The following SNHG17 variants were observed in gnomAD, a reference collection of about 807,000 sequenced individuals.
SNHG17 encodes the protein small nucleolar RNA host gene 17 (non-protein coding).
intron 3 of SNHG17, among the ~76,000 whole-genome samples, chr20:38,426,995 TACAC>T (rs765781057): frequency 0.056 from 7,091 of 125,542 alleles, 346 homozygotes; most frequent in Middle Eastern, 0.15. Flanking sequence ...AAGTTACACA[TACAC>T]ACACACACAC....
intron 5 of SNHG17, chr20:38,424,997 G>A (rs1242782301): frequency 3.2e-6 from 1 of 312,330 alleles, no homozygotes; most frequent in Non-Finnish European, 6.5e-6. Flanking sequence ...CATTTTACAA[G>A]TGGATGAGGT....
intron 1 of SNHG17, chr20:38,434,976 A>C: frequency 8.1e-7 from 1 of 1,229,356 alleles, no homozygotes; most frequent in Middle Eastern, 3.1e-4. Flanking sequence ...AGGGGGTCTG[A>C]CGACCGCACG....
intron 2 of SNHG17, among the ~76,000 whole-genome samples, chr20:38,433,189 T>C (rs1426611005): frequency 6.6e-6 from 1 of 152,134 alleles, no homozygotes. Flanking sequence ...TTGGCCAGGA[T>C]GGTCTTGAAC....
chr20:38,432,350 C>T (rs1353049392), intron 2 of SNHG17, among the ~76,000 whole-genome samples: 1 of 152,148 alleles, frequency 6.6e-6, no homozygotes, highest in Admixed American at 6.5e-5. Context: ...GAACCTAGGA[C>T]AGGTTCTGGT....
chr20:38,433,542 C>T (rs954649763), intron 2 of SNHG17, among the ~76,000 whole-genome samples: 3 of 152,066 alleles, frequency 2.0e-5, no homozygotes, highest in Non-Finnish European at 2.9e-5. Context: ...GCTATGATCA[C>T]GCCACTGCAC....
intron 5 of SNHG17, among the ~76,000 whole-genome samples, chr20:38,424,028 T>C (rs1156812468): frequency 6.6e-6 from 1 of 151,924 alleles, no homozygotes; most frequent in Non-Finnish European, 1.5e-5. Flanking sequence ...AAAAATTAGC[T>C]GGGCGTGGTG....
rs1445189967 is a variant in SNHG17, at chr20:38,433,718, G to A, written n.308+786C>T. 8.9e-6 allele frequency: 4 copies of A among 450,000 alleles called. 1 individual carries two copies. In the East Asian group the frequency reaches 1.8e-4, roughly 20 times the overall value. The allele number at this position is 450,000 out of a possible 1,614,324, so 27.9% of individuals were successfully genotyped here. On this transcript the variant is annotated intron_variant and non_coding_transcript_variant, in intron 2 of 8. Coordinates refer to ENST00000654008, the Ensembl canonical transcript of SNHG17. Reference sequence around the variant, plus strand: ...GTGACTAGTGGGGGCTGCAGCTGTGGTTTCACCACCAATCCTGAGGCAGGG... The same window carrying A: ...GTGACTAGTGGGGGCTGCAGCTGTGATTTCACCACCAATCCTGAGGCAGGG...
At chr20:38,432,249 GA>G (rs2122726759) in intron 2 of SNHG17, 1 of 785,348 alleles carries the variant, frequency 1.3e-6, no homozygotes, top group Non-Finnish European at 1.5e-6. Context: ...TTCATCTAGA[GA>G]AGAACCAGTC....
chr20:38,425,207 G>A lies in SNHG17; in HGVS notation n.579+728C>T, dbSNP rs575003973. The A allele has an allele frequency of 2.9e-5, 15 of 519,144 alleles. No homozygotes were observed. The East Asian group carries it at 7.1e-4, about 25-fold the overall frequency. The allele number at this position is 519,144 out of a possible 1,614,324, so 32.2% of individuals were successfully genotyped here. On this transcript the variant is annotated intron_variant and non_coding_transcript_variant, in intron 5 of 8. Transcript: ENST00000654008. ...GGTGAGAATAAAGGCATGTACGAAA[G>A]CTCCAGAGTTTGGAAGGGATAGGAG...
intron 5 of SNHG17, among the ~76,000 whole-genome samples, chr20:38,423,135 G>A (rs2084186865): frequency 6.6e-6 from 1 of 151,618 alleles, no homozygotes; most frequent in Non-Finnish European, 1.5e-5. Context: ...GGCAGTCCAT[G>A]CCTGTAATCC....
At chr20:38,434,948 C>T (rs1483683916) in intron 1 of SNHG17, 1 of 1,227,770 alleles carries the variant, frequency 8.1e-7, no homozygotes, top group Non-Finnish European at 1.0e-6. Context: ...AGCCTCCCCG[C>T]AGAGTAGCTG....
At chr20:38,423,437 T>C (rs1393070668) in intron 5 of SNHG17, among the ~76,000 whole-genome samples, 1 of 143,964 alleles carries the variant, frequency 6.9e-6, no homozygotes, top group Middle Eastern at 3.6e-3. Context: ...AAGAAAAAGA[T>C]AGAGAAAGAT....
chr20:38,420,641 T>C (rs2084143454), exon 8 of SNHG17: 1 of 152,220 alleles, frequency 6.6e-6, no homozygotes. Context: ...GAACGACAGC[T>C]ACAAATTCAA....
chr20:38,427,261 C>T lies in SNHG17; in HGVS notation n.381-758G>A, dbSNP rs772110700. On this transcript the variant is annotated intron_variant and non_coding_transcript_variant, in intron 3 of 8. Coordinates refer to ENST00000654008, the Ensembl canonical transcript of SNHG17. Reference sequence around the variant, plus strand: ...CCCGCACTGACTTTCATGTGGCAGCCAAGCAAGCGCCGGACTCCTCAAGGG... The same window carrying T: ...CCCGCACTGACTTTCATGTGGCAGCTAAGCAAGCGCCGGACTCCTCAAGGG... 3 of 435,036 alleles carry T rather than the reference C, an allele frequency of 6.9e-6. No individual in the cohort carries two copies. In the Admixed American group the frequency reaches 7.4e-5, roughly 11 times the overall value. 26.9% of individuals were successfully genotyped at this position (435,036 alleles called of 1,614,324 possible). A position where few individuals can be genotyped will look rare whatever the true frequency, so the allele number is the denominator to read the frequency against.
intron 5 of SNHG17, among the ~76,000 whole-genome samples, chr20:38,422,857 G>A (rs1232027079): frequency 1.3e-5 from 2 of 152,108 alleles, no homozygotes; most frequent in African/African-American, 2.4e-5. Context: ...TTGGGGGGCC[G>A]AGGTGGGTGG....
intron 2 of SNHG17, among the ~76,000 whole-genome samples, chr20:38,431,527 G>A (rs1475441054): frequency 1.3e-5 from 2 of 152,150 alleles, no homozygotes; most frequent in African/African-American, 2.4e-5. Context: ...CCACATAAAC[G>A]GAACCTGCCC....
chr20:38,424,912 TG>T (rs2084220021), intron 5 of SNHG17, among the ~76,000 whole-genome samples: 1 of 152,164 alleles, frequency 6.6e-6, no homozygotes, highest in East Asian at 1.9e-4. Context: ...GGTAGATGCA[TG>T]TAACAATAGC....
chr20:38,433,585 C>A (rs768399912), intron 2 of SNHG17, among the ~76,000 whole-genome samples: 3 of 152,158 alleles, frequency 2.0e-5, no homozygotes, highest in Non-Finnish European at 4.4e-5. Context: ...AGAGTGAGAT[C>A]CTGTCTCTAA....
chr20:38,422,892 A>G (rs1332145882), intron 5 of SNHG17, among the ~76,000 whole-genome samples: 1 of 152,166 alleles, frequency 6.6e-6, no homozygotes, highest in African/African-American at 2.4e-5. Context: ...GGAGTTCAAG[A>G]CCAGACTGAC....
Sources: allele counts gnomAD v4.1 joint callset (sites outside exome capture counted in the v4.1 genomes callset), GRCh38; gene constraint gnomAD v4.1.1; transcripts MANE v1.5; gene names NCBI Gene and HGNC (gene_info 2026-07-23, HGNC 2026-07-21).